TSHZ3: variants seen among roughly 807,000 people sequenced by gnomAD.
TSHZ3 encodes teashirt homolog 3.
Under a neutral mutation model 64.5 loss-of-function variants are expected in TSHZ3, and 10 were observed. That is an observed-to-expected ratio of 0.16 (90% CI 0.10 to 0.26). The LOEUF is 0.26. Among genes scored for constraint, TSHZ3 ranks in the 10% least tolerant of loss-of-function variants. The probability of loss-of-function intolerance (pLI) is 1.00; values close to 1 mark genes in which losing one functional copy is unlikely to be tolerated. For missense variants in TSHZ3, 1,242 were observed against 1,421.7 expected, an observed-to-expected ratio of 0.87 and a Z score of 2.03; for synonymous variants, 608 against 593.1, an observed-to-expected ratio of 1.03 and a Z score of -0.36.
At chr19:31,286,403 C>T (rs978016647) in intron 1 of TSHZ3, among the ~76,000 whole-genome samples, 2 of 152,224 alleles carry the variant, frequency 1.3e-5, no homozygotes, top group African/African-American at 2.4e-5. Context: ...AGACAAAACA[C>T]GGATCCTGCC....
upstream of TSHZ3, among the ~76,000 whole-genome samples, chr19:31,349,935 C>T (rs1181785669): frequency 1.4e-5 from 2 of 145,158 alleles, no homozygotes; most frequent in Non-Finnish European, 3.1e-5. Context: ...CCGCGTGGGA[C>T]CCCCGCCCCG....
chr19:31,229,093 T>C (rs1288291033), intron 3 of TSHZ3, among the ~76,000 whole-genome samples: 2 of 152,186 alleles, frequency 1.3e-5, no homozygotes, highest in Non-Finnish European at 2.9e-5. Context: ...TGCATGCATG[T>C]TCCTGAAAGA....
At chr19:31,315,664 T>C (rs1260717892) in intron 1 of TSHZ3, among the ~76,000 whole-genome samples, 2 of 152,192 alleles carry the variant, frequency 1.3e-5, no homozygotes, top group African/African-American at 4.8e-5. Context: ...TCAGAAAGGT[T>C]TTGTGAAAAG....
intron 1 of TSHZ3, among the ~76,000 whole-genome samples, chr19:31,264,438 C>G (rs535594330): frequency 5.3e-4 from 81 of 152,348 alleles, no homozygotes; most frequent in South Asian, 4.1e-3. Flanking sequence ...TCTGAACGTT[C>G]CAGGCTCCCT....
intron 5 of TSHZ3, among the ~76,000 whole-genome samples, chr19:31,174,973 C>T (rs559392069): frequency 6.7e-4 from 102 of 152,350 alleles, no homozygotes; most frequent in Non-Finnish European, 1.2e-3. Context: ...CCTGGCCTGA[C>T]TCCTCTGACT....
chr19:31,290,324 C>G (rs965866241), intron 1 of TSHZ3, among the ~76,000 whole-genome samples: 3 of 152,112 alleles, frequency 2.0e-5, no homozygotes, highest in Non-Finnish European at 2.9e-5. Flanking sequence ...CCTCCTGGCT[C>G]TTGACCGGGA....
At chr19:31,221,754 C>G (rs1022065108) in intron 4 of TSHZ3, among the ~76,000 whole-genome samples, 1 of 152,194 alleles carries the variant, frequency 6.6e-6, no homozygotes, top group Non-Finnish European at 1.5e-5. Flanking sequence ...AGCATTAACA[C>G]GGTATCTGGC....
At chr19:31,221,544 A>G (rs776397911) in intron 4 of TSHZ3, among the ~76,000 whole-genome samples, 4 of 152,204 alleles carry the variant, frequency 2.6e-5, no homozygotes, top group Non-Finnish European at 4.4e-5. Flanking sequence ...TCACCACGAT[A>G]TCATCTGAAG....
rs556269959 is a variant in TSHZ3, at chr19:31,171,169, G to A, written n.810-14752C>T. ...AGAGGAAGAGAGATGCCAGTACCCC[G>A]CTTGGTAGCCTTGCCTGGGTCTCTG... On this transcript the variant is annotated intron_variant and non_coding_transcript_variant, in intron 5 of 6. Coordinates refer to the TSHZ3 transcript ENST00000651361. Among the ~76,000 whole-genome samples the A allele has an allele frequency of 5.3e-5, 8 of 152,232 alleles. No homozygotes were observed. In the East Asian group the frequency reaches 9.7e-4, roughly 18 times the overall value.
chr19:31,222,869 G>C (rs1975409136), intron 4 of TSHZ3, among the ~76,000 whole-genome samples: 1 of 152,056 alleles, frequency 6.6e-6, no homozygotes, highest in African/African-American at 2.4e-5. Flanking sequence ...TCACTTCAGA[G>C]GGTTAGAAAT....
chr19:31,159,856 C>G (rs983884299), intron 5 of TSHZ3, among the ~76,000 whole-genome samples: 1 of 152,020 alleles, frequency 6.6e-6, no homozygotes, highest in Non-Finnish European at 1.5e-5. Flanking sequence ...CCATGCCCAG[C>G]TAATCTTTTA....
chr19:31,207,662 G>A (rs1975201710), intron 4 of TSHZ3: 1 of 152,150 alleles, frequency 6.6e-6, no homozygotes, highest in South Asian at 2.1e-4. Flanking sequence ...CAAGTCTCCT[G>A]ATTCACTATA....
intron 5 of TSHZ3, among the ~76,000 whole-genome samples, chr19:31,204,457 G>A (rs1005197659): frequency 6.6e-5 from 10 of 151,706 alleles, no homozygotes; most frequent in African/African-American, 2.4e-4. Flanking sequence ...TTTTGGGGGA[G>A]GGGTGTGGTG....
intron 1 of TSHZ3, among the ~76,000 whole-genome samples, chr19:31,259,097 G>T (rs958287743): frequency 6.6e-6 from 1 of 152,150 alleles, no homozygotes. Context: ...TTTAATAAGC[G>T]AAAATGATGT....
intron 1 of TSHZ3, among the ~76,000 whole-genome samples, chr19:31,290,476 T>C (rs1976544145): frequency 6.6e-6 from 1 of 152,030 alleles, no homozygotes; most frequent in Non-Finnish European, 1.5e-5. Context: ...GGATTGCATG[T>C]TGGGCTTCTG....
At chr19:31,221,237 C>T (rs544390591) in intron 4 of TSHZ3, among the ~76,000 whole-genome samples, 1 of 152,118 alleles carries the variant, frequency 6.6e-6, no homozygotes, top group African/African-American at 2.4e-5. Context: ...GAAAAGGATG[C>T]TGAATTCTTT....
intron 1 of TSHZ3, among the ~76,000 whole-genome samples, chr19:31,262,749 C>T (rs1975996538): frequency 6.6e-6 from 1 of 152,162 alleles, no homozygotes; most frequent in South Asian, 2.1e-4. Flanking sequence ...AGCTCAGTTG[C>T]TATCTTTGTA....
intron 1 of TSHZ3, among the ~76,000 whole-genome samples, chr19:31,331,786 C>T (rs1211917673): frequency 6.6e-6 from 1 of 152,174 alleles, no homozygotes; most frequent in Non-Finnish European, 1.5e-5. Context: ...CACAGAACGT[C>T]CATTTTATGT....
exon 7 of TSHZ3, among the ~76,000 whole-genome samples, chr19:31,150,675 T>A (rs959119107): frequency 1.3e-5 from 2 of 152,134 alleles, no homozygotes; most frequent in African/African-American, 4.8e-5. Flanking sequence ...AGCTCTTCAA[T>A]CCTCTCTGCC....
Sources: gnomAD v4.1 joint callset for allele counts (sites outside exome capture counted in the v4.1 genomes callset) on GRCh38, gnomAD v4.1.1 for gene constraint, MANE v1.5 for transcripts, NCBI Gene and HGNC (gene_info 2026-07-23, HGNC 2026-07-21) for gene names.